FIGN: variants seen among roughly 807,000 people sequenced by gnomAD.
The protein encoded by FIGN is fidgetin.
Under a neutral mutation model 51.3 loss-of-function variants are expected in FIGN, and 11 were observed. The observed-to-expected ratio is 0.21, with a 90% CI of 0.13 to 0.35. The LOEUF is 0.35. Ranked by LOEUF, FIGN falls within the 10% of genes least tolerant of loss-of-function variation. The pLI is 1.00. For synonymous variants in FIGN, 407 were observed against 363.2 expected (o/e 1.12, Z -1.37); for missense variants, 857 against 943.6 (o/e 0.91, Z 1.20).
intron 2 of FIGN, among the ~76,000 whole-genome samples, chr2:163,709,025 C>A (rs138435837): frequency 6.6e-6 from 1 of 152,114 alleles, no homozygotes; most frequent in South Asian, 2.1e-4. Context: ...ACCGTAAATA[C>A]GGCAATGGGT....
intron 2 of FIGN, among the ~76,000 whole-genome samples, chr2:163,614,634 C>A (rs10445753): frequency 0.47 from 71,458 of 151,770 alleles, 20,613 homozygotes; most frequent in Non-Finnish European, 0.65. Context: ...AAGGGCTCAA[C>A]AAATAATTTA....
intron 2 of FIGN, among the ~76,000 whole-genome samples, chr2:163,705,685 C>T (rs1176592232): frequency 1.3e-5 from 2 of 151,264 alleles, no homozygotes; most frequent in African/African-American, 2.4e-5. Context: ...AAGATTACTC[C>T]CCACAACTCT....
At chr2:163,724,683 C>A (rs904498939) in intron 2 of FIGN, among the ~76,000 whole-genome samples, 1 of 151,976 alleles carries the variant, frequency 6.6e-6, no homozygotes, top group Non-Finnish European at 1.5e-5. Context: ...CCAAAAGAAG[C>A]CTTAAAGGAC....
intron 2 of FIGN, among the ~76,000 whole-genome samples, chr2:163,706,082 T>C (rs1022122322): frequency 3.3e-5 from 5 of 152,154 alleles, no homozygotes; most frequent in African/African-American, 1.2e-4. Context: ...TGGGGCTCTG[T>C]GAAGCTCTAT....
At chr2:163,662,867 A>T (rs925507904) in intron 2 of FIGN, among the ~76,000 whole-genome samples, 1 of 152,192 alleles carries the variant, frequency 6.6e-6, no homozygotes, top group Non-Finnish European at 1.5e-5. Flanking sequence ...TGATGGATTT[A>T]TCAGGGATTT....
intron 2 of FIGN, among the ~76,000 whole-genome samples, chr2:163,661,886 A>G (rs1376361051): frequency 1.3e-5 from 2 of 152,174 alleles, no homozygotes; most frequent in Non-Finnish European, 2.9e-5. Context: ...CTGTAAGTCC[A>G]ACTAAACCTC....
At chr2:163,620,501 TTA>T (rs1682949260) in intron 2 of FIGN, among the ~76,000 whole-genome samples, 1 of 152,138 alleles carries the variant, frequency 6.6e-6, no homozygotes, top group East Asian at 1.9e-4. Flanking sequence ...ATAAATGGGG[TTA>T]ACACAACCTG....
chr2:163,670,410 T>C (rs1038936617), intron 2 of FIGN, among the ~76,000 whole-genome samples: 1 of 152,198 alleles, frequency 6.6e-6, no homozygotes, highest in African/African-American at 2.4e-5. Flanking sequence ...AAGTATATAG[T>C]GCAATGAAGT....
At chr2:163,734,629 A>T (rs934311107) in intron 2 of FIGN, among the ~76,000 whole-genome samples, 11 of 151,426 alleles carry the variant, frequency 7.3e-5, no homozygotes, top group Admixed American at 2.0e-4. Context: ...GCAGTTATAT[A>T]TATATAGTGC....
At chr2:163,662,366 G>T (rs1190482433) in intron 2 of FIGN, among the ~76,000 whole-genome samples, 6 of 152,154 alleles carry the variant, frequency 3.9e-5, no homozygotes, top group African/African-American at 1.2e-4. Context: ...GCTGTTAAAA[G>T]AATTCCATTT....
At chr2:163,734,557 C>CAAAAA (rs34286375) in intron 2 of FIGN, among the ~76,000 whole-genome samples, 2,371 of 102,710 alleles carry the variant, frequency 0.023, 131 homozygotes, top group African/African-American at 0.079. Context: ...CTCCCTCCTT[C>CAAAAA]AAAAAAAAAA....
intron 2 of FIGN, among the ~76,000 whole-genome samples, chr2:163,635,481 G>C (rs1247688413): frequency 1.3e-5 from 2 of 152,176 alleles, no homozygotes; most frequent in East Asian, 3.9e-4. Flanking sequence ...GAAGTGAGAG[G>C]ATTGCTTGAG....
chr2:163,669,116 A>C lies in FIGN; in HGVS notation c.26-57310T>G, dbSNP rs78911404. On this transcript the variant is annotated intron_variant, in intron 2 of 2. Coordinates refer to ENST00000333129, the MANE Select transcript of FIGN (RefSeq NM_018086.4). ...ATTTGATAACTCCTTTTACTCATTT[A>C]TATTTTCTCAACTGAAAAAAAGTTG... Among the ~76,000 whole-genome samples the C allele has an allele frequency of 3.9e-3, 599 of 151,838 alleles. 3 individuals are homozygous for C. Among genetic ancestry groups the C allele is most frequent in the Middle Eastern group, 0.021 (6 of 290 alleles).
chr2:163,612,816 G>A (rs910879174), intron 2 of FIGN, among the ~76,000 whole-genome samples: 1 of 150,964 alleles, frequency 6.6e-6, no homozygotes, highest in Non-Finnish European at 1.5e-5. Flanking sequence ...AGGAAACTGA[G>A]GGGAAAGGGA....
chr2:163,646,046 T>C (rs1573923836), intron 2 of FIGN, among the ~76,000 whole-genome samples: 1 of 152,178 alleles, frequency 6.6e-6, no homozygotes, highest in East Asian at 1.9e-4. Context: ...ATCAGTTTTG[T>C]TTATGAGTAT....
intron 2 of FIGN, among the ~76,000 whole-genome samples, chr2:163,625,691 TATATATA>T (rs1054302825): frequency 4.5e-4 from 69 of 152,190 alleles, no homozygotes; most frequent in African/African-American, 1.6e-3. Context: ...TTGAGGCATA[TATATATA>T]ATGATTACAC....
rs1046830972 is a variant in FIGN, at chr2:163,606,015, C to T, written c.*3537G>A. On this transcript the variant is annotated 3_prime_UTR_variant, in exon 3 of 3. Transcript: ENST00000333129. Reference sequence around the variant, plus strand: ...GCCTCTGGATAGCTTTTATCACTTTCCCAGATGGTGTTTGGCCTATGTATT... The same window carrying T: ...GCCTCTGGATAGCTTTTATCACTTTTCCAGATGGTGTTTGGCCTATGTATT... 3 of 151,516 alleles carry T rather than the reference C, an allele frequency of 2.0e-5. No homozygotes were observed. Among genetic ancestry groups the T allele is most frequent in the Non-Finnish European group, 2.9e-5 (2 of 67,914 alleles). 9.4% of individuals were successfully genotyped at this position (151,516 alleles called of 1,614,324 possible).
chr2:163,714,270 C>T (rs749262421), intron 2 of FIGN, among the ~76,000 whole-genome samples: 143 of 152,304 alleles, frequency 9.4e-4, no homozygotes, highest in Non-Finnish European at 1.8e-3. Flanking sequence ...CTGTTTTGGG[C>T]CACACTGCAT....
At chr2:163,734,374 C>A (rs1218379653) in intron 2 of FIGN, among the ~76,000 whole-genome samples, 1 of 150,392 alleles carries the variant, frequency 6.6e-6, no homozygotes, top group Admixed American at 6.6e-5. Context: ...CTCAGAAGAA[C>A]TGATTACTCC....
Sources: allele counts gnomAD v4.1 joint callset (sites outside exome capture counted in the v4.1 genomes callset), GRCh38; gene constraint gnomAD v4.1.1; transcripts MANE v1.5; gene names NCBI Gene and HGNC (gene_info 2026-07-23, HGNC 2026-07-21).